The following SCD5 variants were observed in gnomAD, a reference collection of about 807,000 sequenced individuals.
SCD5 encodes the protein acyl-CoA-desaturase 4.
In SCD5, 20 loss-of-function variants were observed where a neutral mutation model predicts 30.4. The ratio of observed to expected loss-of-function variants is 0.66; its 90% CI spans 0.46 to 0.96. The LOEUF (loss-of-function observed/expected upper bound fraction) is 0.96. SCD5 is among the 40% of genes least tolerant of loss of function. SCD5 has a pLI of 0.00. For missense variants in SCD5, 381 were observed against 443.3 expected (o/e 0.86, Z 1.26); for synonymous variants, 173 against 176.4 (o/e 0.98, Z 0.16).
intron 1 of SCD5, among the ~76,000 whole-genome samples, chr4:82,731,943 C>A (rs1250968386): frequency 6.6e-6 from 1 of 152,104 alleles, no homozygotes; most frequent in Non-Finnish European, 1.5e-5. Context: ...GATCAGGGTG[C>A]CTGCTGCCTT....
intron 1 of SCD5, among the ~76,000 whole-genome samples, chr4:82,712,243 C>CATATATATATATATAT (rs762732703): frequency 3.5e-5 from 1 of 28,832 alleles, no homozygotes; most frequent in Non-Finnish European, 9.0e-5. Flanking sequence ...GACCAACTAA[C>CATATATATATATATAT]ATATATATAT....
chr4:82,735,246 T>C (rs988849416), intron 1 of SCD5, among the ~76,000 whole-genome samples: 8 of 152,216 alleles, frequency 5.3e-5, no homozygotes, highest in African/African-American at 1.9e-4. Flanking sequence ...CTGGGTACTC[T>C]GGTTTCCTCC....
At chr4:82,746,930 C>A (rs1034564355) in intron 1 of SCD5, among the ~76,000 whole-genome samples, 2 of 134,822 alleles carry the variant, frequency 1.5e-5, no homozygotes, top group African/African-American at 5.2e-5. Flanking sequence ...AAACCCGAGA[C>A]CTTAAGTGGA....
intron 1 of SCD5, among the ~76,000 whole-genome samples, chr4:82,776,319 T>C (rs1721743596): frequency 6.6e-6 from 1 of 152,166 alleles, no homozygotes; most frequent in African/African-American, 2.4e-5. Flanking sequence ...TTTGCAATCA[T>C]ATCCTTGGCC....
chr4:82,761,712 C>T (rs1309369843), intron 1 of SCD5, among the ~76,000 whole-genome samples: 5 of 151,114 alleles, frequency 3.3e-5, no homozygotes, highest in Non-Finnish European at 5.9e-5. Flanking sequence ...GTATATCTCC[C>T]GATGCTATCC....
chr4:82,741,799 G>A (rs1018387573), intron 1 of SCD5, among the ~76,000 whole-genome samples: 3 of 139,398 alleles, frequency 2.2e-5, no homozygotes, highest in Non-Finnish European at 4.6e-5. Flanking sequence ...ACCTGGCTCC[G>A]TCACTCTTGG....
chr4:82,689,162 G>C (rs963349384), intron 2 of SCD5, among the ~76,000 whole-genome samples: 5 of 152,210 alleles, frequency 3.3e-5, no homozygotes, highest in African/African-American at 4.8e-5. Flanking sequence ...CAGGAGTGTG[G>C]AGAAATGGCT....
intron 3 of SCD5, chr4:82,660,335 A>G (rs1727967052): frequency 2.1e-6 from 1 of 481,030 alleles, no homozygotes; most frequent in Non-Finnish European, 2.7e-6. Flanking sequence ...ACAGACATCT[A>G]TGGAACTCTC....
At chr4:82,746,459 C>A (rs1720984245) in intron 1 of SCD5, among the ~76,000 whole-genome samples, 2 of 152,140 alleles carry the variant, frequency 1.3e-5, no homozygotes, top group Admixed American at 6.5e-5. Flanking sequence ...TCATCTGAGA[C>A]CACGATGACA....
At chr4:82,744,132 A>G (rs192688104) in intron 1 of SCD5, among the ~76,000 whole-genome samples, 5 of 152,286 alleles carry the variant, frequency 3.3e-5, no homozygotes, top group African/African-American at 1.2e-4. Context: ...GGCTGAAAAA[A>G]GTTATCTCTT....
At chr4:82,758,790 G>A (rs570984593) in intron 1 of SCD5, among the ~76,000 whole-genome samples, 4 of 152,234 alleles carry the variant, frequency 2.6e-5, no homozygotes, top group Non-Finnish European at 4.4e-5. Flanking sequence ...CGGCACCCGC[G>A]GAGCTCAGGA....
rs577607725 is a variant in SCD5, at chr4:82,707,522, G to A, written c.233-2109C>T. ...CTATTAGTAACTTGCTTCTAACCAA[G>A]AGAATATAGCAATATTGAGGGAATA... On this transcript the variant is annotated intron_variant, in intron 1 of 4. Coordinates refer to ENST00000319540, the MANE Select transcript of SCD5 (RefSeq NM_001037582.3). 2.0e-5 allele frequency among the ~76,000 whole-genome samples: 3 copies of A among 152,302 alleles called. No homozygotes were observed. The East Asian group carries it at 5.8e-4, about 29-fold the overall frequency.
intron 1 of SCD5, among the ~76,000 whole-genome samples, chr4:82,720,441 TAAAAAAAAAA>T (rs1553917690): frequency 2.6e-5 from 2 of 77,940 alleles, no homozygotes; most frequent in Non-Finnish European, 4.7e-5. Context: ...AAGGCAAAAA[TAAAAAAAAAA>T]AAAAAAAAAA....
At chr4:82,735,607 G>A (rs912857443) in intron 1 of SCD5, among the ~76,000 whole-genome samples, 1 of 152,176 alleles carries the variant, frequency 6.6e-6, no homozygotes, top group African/African-American at 2.4e-5. Context: ...GTGGAAGGGG[G>A]GGCTCCTGAC....
intron 4 of SCD5, among the ~76,000 whole-genome samples, chr4:82,634,787 C>T (rs1018692510): frequency 6.6e-6 from 1 of 152,206 alleles, no homozygotes; most frequent in Non-Finnish European, 1.5e-5. Flanking sequence ...TCTGTCTACT[C>T]ACAGAATCAA....
At chr4:82,723,718 C>T (rs981477830) in intron 1 of SCD5, among the ~76,000 whole-genome samples, 4 of 152,190 alleles carry the variant, frequency 2.6e-5, no homozygotes, top group Admixed American at 2.0e-4. Flanking sequence ...GTAAGACTCA[C>T]CTCGCAGTTT....
chr4:82,735,662 T>C (rs1010068904), intron 1 of SCD5, among the ~76,000 whole-genome samples: 1 of 152,220 alleles, frequency 6.6e-6, no homozygotes, highest in Non-Finnish European at 1.5e-5. Flanking sequence ...ACCCACCACA[T>C]GACTGCTGTC....
At chr4:82,690,565 G>A (rs1229476112) in intron 2 of SCD5, among the ~76,000 whole-genome samples, 1 of 151,998 alleles carries the variant, frequency 6.6e-6, no homozygotes, top group African/African-American at 2.4e-5. Flanking sequence ...CCTTCTAACT[G>A]CCTCCCACTT....
At chr4:82,742,477 A>G (rs1398633693) in intron 1 of SCD5, among the ~76,000 whole-genome samples, 1 of 152,240 alleles carries the variant, frequency 6.6e-6, no homozygotes, top group Non-Finnish European at 1.5e-5. Context: ...ATCCCCAGAT[A>G]ACACCTGAAA....
Sources: gnomAD v4.1 joint callset for allele counts (sites outside exome capture counted in the v4.1 genomes callset) on GRCh38, gnomAD v4.1.1 for gene constraint, MANE v1.5 for transcripts, NCBI Gene and HGNC (gene_info 2026-07-23, HGNC 2026-07-21) for gene names.